The following DAPK2 variants were observed in gnomAD, a reference collection of about 807,000 sequenced individuals.
DAPK2 encodes death associated protein kinase 2.
In DAPK2, 35 loss-of-function variants were observed where a neutral mutation model predicts 44.1. That is an observed-to-expected ratio of 0.79 (90% CI 0.61 to 1.05). The LOEUF is 1.05. Among genes scored for constraint, DAPK2 ranks in the 50% least tolerant of loss-of-function variants. The pLI is 0.00. For synonymous variants in DAPK2, 174 were observed against 182.6 expected (o/e 0.95, Z 0.38); for missense variants, 453 against 483.2 (o/e 0.94, Z 0.59).
At chr15:63,938,440 A>G (rs992990126) in intron 4 of DAPK2, among the ~76,000 whole-genome samples, 9 of 152,244 alleles carry the variant, frequency 5.9e-5, no homozygotes, top group African/African-American at 2.2e-4. Flanking sequence ...CGGTGGCTGC[A>G]GAGCCTGAAA....
chr15:64,009,667 C>T (rs1010043250), intron 1 of DAPK2, among the ~76,000 whole-genome samples: 3 of 152,128 alleles, frequency 2.0e-5, no homozygotes, highest in Non-Finnish European at 2.9e-5. Context: ...TGCCACCCCC[C>T]AGGAATCCTC....
chr15:64,012,305 A>G (rs1305503570), intron 1 of DAPK2, among the ~76,000 whole-genome samples: 1 of 152,236 alleles, frequency 6.6e-6, no homozygotes, highest in African/African-American at 2.4e-5. Flanking sequence ...TGCCACATGC[A>G]TTCAAGAAAT....
At position 63,939,940 on chromosome 15, in the gene DAPK2, G is replaced by GA. The variant is rs1331696617; in HGVS notation, c.454-580dup. ...AATTTTGGTCCTCAGCAGGACACAG[G>GA]AAAAATGCACCCGATTTCCAGGGAA... On this transcript the variant is annotated intron_variant, in intron 3 of 10. Coordinates refer to ENST00000261891, the Ensembl canonical transcript of DAPK2. The surrounding 1 kb of genome is among the most constrained non-coding windows in gnomAD (Gnocchi z 4.3). Among the ~76,000 whole-genome samples, 23 of 152,204 alleles carry GA rather than the reference G, an allele frequency of 1.5e-4. No homozygotes were observed. Among genetic ancestry groups the GA allele is most frequent in the Admixed American group, 1.4e-3 (22 of 15,278 alleles).
chr15:63,922,432 A>G, intron 8 of DAPK2: 1 of 1,130,770 alleles, frequency 8.8e-7, no homozygotes. Context: ...ATTCTCAAGC[A>G]TTTCCCCAGG....
At chr15:63,995,269 C>A (rs1275772794) in intron 1 of DAPK2, among the ~76,000 whole-genome samples, 4 of 152,170 alleles carry the variant, frequency 2.6e-5, no homozygotes, top group African/African-American at 9.7e-5. Flanking sequence ...GCAGCCTCAG[C>A]CTCCCAAGTG....
At chr15:64,018,562 C>T (rs1475937911) in intron 1 of DAPK2, among the ~76,000 whole-genome samples, 1 of 152,180 alleles carries the variant, frequency 6.6e-6, no homozygotes, top group African/African-American at 2.4e-5. Flanking sequence ...CCCTCCCAGA[C>T]TGGAAATGGC....
rs8042364 is a variant in DAPK2, at chr15:63,980,971, T to A, written c.314+2562A>T. 0.029 allele frequency among the ~76,000 whole-genome samples: 4,467 copies of A among 152,118 alleles called. 218 individuals are homozygous for A. Among genetic ancestry groups the A allele is most frequent in the African/African-American group, 0.098 (4,067 of 41,470 alleles). On this transcript the variant is annotated intron_variant, in intron 2 of 10. Transcript: ENST00000261891. The surrounding 1 kb of genome is among the most constrained non-coding windows in gnomAD (Gnocchi z 4.3). ...TGGGTGTGGTGGTGGGTGCCTGTAATTCCAGCTACTTGGGAGGCTGAGGTA... is the reference window on the plus strand; with the variant it reads ...TGGGTGTGGTGGTGGGTGCCTGTAAATCCAGCTACTTGGGAGGCTGAGGTA...
intron 1 of DAPK2, among the ~76,000 whole-genome samples, chr15:64,017,134 C>T (rs1595895845): frequency 6.6e-6 from 1 of 152,168 alleles, no homozygotes. Flanking sequence ...CCTTTTCTTA[C>T]TTGCCTTCAA....
chr15:63,915,627 C>T (rs1460880512), intron 8 of DAPK2, among the ~76,000 whole-genome samples: 1 of 152,192 alleles, frequency 6.6e-6, no homozygotes, highest in Non-Finnish European at 1.5e-5. Context: ...CCCAGCAGTG[C>T]CAGCCACTGA....
In DAPK2 at chr15:63,964,678, T is replaced by C. The variant is rs180958794; in HGVS notation, c.453+6745A>G. Among the ~76,000 whole-genome samples the C allele has an allele frequency of 2.8e-3, 420 of 152,166 alleles. 1 individual carries two copies. The highest frequency in any genetic ancestry group is 4.3e-3 in the Non-Finnish European group (295 of 68,010). ...CCTCTGTGTATTTTCGAATAGTCTATCTTCAAGCTCACTAATTCTTTCTTC... is the reference window on the plus strand; with the variant it reads ...CCTCTGTGTATTTTCGAATAGTCTACCTTCAAGCTCACTAATTCTTTCTTC... On this transcript the variant is annotated intron_variant, in intron 3 of 10. Transcript: ENST00000261891.
chr15:63,907,281 A>G (rs963216557), exon 11 of DAPK2: 1 of 151,994 alleles, frequency 6.6e-6, no homozygotes, highest in Non-Finnish European at 1.5e-5. Flanking sequence ...CTTTCTAAAG[A>G]CCCCATCTCC....
chr15:63,963,343 T>G (rs2077964940), intron 3 of DAPK2, among the ~76,000 whole-genome samples: 1 of 152,172 alleles, frequency 6.6e-6, no homozygotes, highest in African/African-American at 2.4e-5. Flanking sequence ...TGCACCCACT[T>G]TCTGACAAGC....
chr15:63,913,595 G>A (rs1180762601), intron 8 of DAPK2, among the ~76,000 whole-genome samples: 1 of 152,146 alleles, frequency 6.6e-6, no homozygotes, highest in Non-Finnish European at 1.5e-5. Context: ...ATTCCCAGGC[G>A]TGGGTCTTGT....
intron 1 of DAPK2, among the ~76,000 whole-genome samples, chr15:64,023,157 T>A (rs908175636): frequency 1.3e-5 from 2 of 152,176 alleles, no homozygotes; most frequent in Admixed American, 1.3e-4. Context: ...GGAAGCTGAC[T>A]CTAAGGCAAA....
intron 7 of DAPK2, among the ~76,000 whole-genome samples, chr15:63,925,726 T>A (rs1595717079): frequency 1.3e-5 from 2 of 149,322 alleles, no homozygotes; most frequent in African/African-American, 2.5e-5. Flanking sequence ...ACACACATTA[T>A]TTACATTTCA....
At chr15:64,006,474 C>T (rs1398563115) in intron 1 of DAPK2, among the ~76,000 whole-genome samples, 3 of 152,122 alleles carry the variant, frequency 2.0e-5, no homozygotes, top group African/African-American at 7.2e-5. Flanking sequence ...AACATCGTCA[C>T]CTATATTAGA....
chr15:64,015,497 G>A (rs1394654455), intron 1 of DAPK2, among the ~76,000 whole-genome samples: 1 of 152,174 alleles, frequency 6.6e-6, no homozygotes, highest in Non-Finnish European at 1.5e-5. Flanking sequence ...GAAGAAACAG[G>A]GGTGGGCAGT....
chr15:63,964,477 C>A (rs1395543431), intron 3 of DAPK2, among the ~76,000 whole-genome samples: 1 of 152,070 alleles, frequency 6.6e-6, no homozygotes, highest in East Asian at 1.9e-4. Flanking sequence ...CCTTCCTGTA[C>A]TTGAATATTG....
intron 3 of DAPK2, among the ~76,000 whole-genome samples, chr15:63,942,935 G>A (rs921721893): frequency 6.6e-6 from 1 of 152,098 alleles, no homozygotes; most frequent in African/African-American, 2.4e-5. Context: ...TCTCCCCAGA[G>A]GTTGGGATAG....
Sources: allele counts gnomAD v4.1 joint callset (sites outside exome capture counted in the v4.1 genomes callset), GRCh38; gene constraint gnomAD v4.1.1; non-coding constraint Gnocchi (gnomAD v3.1); transcripts MANE v1.5; gene names NCBI Gene and HGNC (gene_info 2026-07-23, HGNC 2026-07-21).